Variants in MYLK observed in about 807,000 individuals in gnomAD.
MYLK encodes myosin light chain kinase.
MYLK carries 106 observed loss-of-function variants against 203.4 expected under a neutral mutation model. The observed-to-expected ratio is 0.52, with a 90% CI of 0.45 to 0.61. The LOEUF is 0.61. Ranked by LOEUF, MYLK falls within the 20% of genes least tolerant of loss-of-function variation. The pLI is 0.00. For synonymous variants in MYLK, 867 were observed against 959.5 expected (o/e 0.90, Z 1.78); for missense variants, 2,072 against 2,442.3 (o/e 0.85, Z 3.20).
intron 33 of MYLK, chr3:123,616,948 A>G (rs2057532038): frequency 6.6e-6 from 1 of 152,204 alleles, no homozygotes; most frequent in African/African-American, 2.4e-5. Context: ...AACCAGAATA[A>G]AAATTATACA....
At position 123,864,643 on chromosome 3, in the gene MYLK, A is replaced by T. The variant is rs184862405; in HGVS notation, c.-127+11916T>A. Among the ~76,000 whole-genome samples the T allele has an allele frequency of 1.4e-4, 22 of 152,312 alleles. 1 individual carries two copies. Among genetic ancestry groups the T allele is most frequent in the Middle Eastern group, 6.8e-3 (2 of 294 alleles). On this transcript the variant is annotated intron_variant, in intron 2 of 33. Transcript: ENST00000360304. ...TTATAGAAATTAGTCCCTACAAAGT[A>T]AGAGTGTTCCTGGTGCTTTGGGAGG...
intron 4 of MYLK, among the ~76,000 whole-genome samples, chr3:123,784,376 CTTTTTT>C (rs576849217): frequency 5.1e-5 from 4 of 78,662 alleles, no homozygotes; most frequent in Non-Finnish European, 5.1e-5. Context: ...GGTTGACTTT[CTTTTTT>C]TTTTTTTTTT....
chr3:123,726,283 G>A (rs181032416), intron 11 of MYLK, among the ~76,000 whole-genome samples: 55 of 152,276 alleles, frequency 3.6e-4, no homozygotes, highest in Middle Eastern at 3.4e-3. Flanking sequence ...AGAGTCACCC[G>A]CAGGGGCTTT....
chr3:123,746,898 T>G lies in MYLK; in HGVS notation c.373+5433A>C, dbSNP rs72970890. Among the ~76,000 whole-genome samples, 790 of 152,216 alleles carry G rather than the reference T, an allele frequency of 5.2e-3. 9 individuals carry two copies. The highest frequency in any genetic ancestry group is 0.018 in the African/African-American group (765 of 41,512). ...TTATAAAGAACATAAATGGGAAATA[T>G]AATTATAGGTCCTTCAGATGGGTAG... On this transcript the variant is annotated intron_variant, in intron 5 of 33. Coordinates refer to ENST00000360304, the MANE Select transcript of MYLK (RefSeq NM_053025.4).
chr3:123,619,602 G>A (rs12495516), intron 32 of MYLK, among the ~76,000 whole-genome samples: 14,233 of 152,210 alleles, frequency 0.094, 1,536 homozygotes, highest in East Asian at 0.35. Context: ...AGCAGGAAAA[G>A]GCTGGGGTTT....
chr3:123,832,584 G>A (rs2066365512), intron 2 of MYLK, among the ~76,000 whole-genome samples: 1 of 152,202 alleles, frequency 6.6e-6, no homozygotes, highest in African/African-American at 2.4e-5. Flanking sequence ...TTAAGAGGTA[G>A]GACCTTTAGG....
At chr3:123,742,727 G>A (rs1236475072) in intron 5 of MYLK, among the ~76,000 whole-genome samples, 1 of 152,136 alleles carries the variant, frequency 6.6e-6, no homozygotes, top group Non-Finnish European at 1.5e-5. Flanking sequence ...AAATTAGACT[G>A]ATTAACTGAT....
chr3:123,696,619 G>A (rs955643128), intron 18 of MYLK, among the ~76,000 whole-genome samples: 1 of 151,398 alleles, frequency 6.6e-6, no homozygotes, highest in Non-Finnish European at 1.5e-5. Context: ...CCCCCATCCT[G>A]CCCTTCCAAG....
Position 123,761,009 on chromosome 3 carries a change from G to A in MYLK, c.166-8471C>T, listed in dbSNP as rs570784074. Among the ~76,000 whole-genome samples the A allele has an allele frequency of 3.3e-5, 5 of 152,300 alleles. No homozygotes were observed. In the South Asian group the frequency reaches 1.0e-3, roughly 32 times the overall value. On this transcript the variant is annotated intron_variant, in intron 4 of 33. Coordinates refer to ENST00000360304, the MANE Select transcript of MYLK (RefSeq NM_053025.4). Reference sequence around the variant, plus strand: ...GACTAATGCAGCCCTGGAATTTCAAGAAGGATGGGTGAGTGTCAGGAAATA... The same window carrying A: ...GACTAATGCAGCCCTGGAATTTCAAAAAGGATGGGTGAGTGTCAGGAAATA...
intron 3 of MYLK, among the ~76,000 whole-genome samples, chr3:123,806,400 G>A (rs1183148571): frequency 1.3e-5 from 2 of 152,204 alleles, no homozygotes; most frequent in Admixed American, 1.3e-4. Flanking sequence ...GTATAGAGCT[G>A]ATCTAGGGAG....
intron 2 of MYLK, among the ~76,000 whole-genome samples, chr3:123,861,313 C>A (rs1192844093): frequency 6.6e-6 from 1 of 152,256 alleles, no homozygotes; most frequent in Admixed American, 6.5e-5. Flanking sequence ...TCACACCCAG[C>A]ACCATCGCTC....
At chr3:123,669,724 A>C (rs1006106960) in intron 20 of MYLK, among the ~76,000 whole-genome samples, 1 of 152,092 alleles carries the variant, frequency 6.6e-6, no homozygotes, top group Non-Finnish European at 1.5e-5. Context: ...GGAAAAAGAG[A>C]GGGAGAGAAA....
At chr3:123,654,603 A>G (rs2059332102) in intron 24 of MYLK, among the ~76,000 whole-genome samples, 1 of 151,872 alleles carries the variant, frequency 6.6e-6, no homozygotes, top group South Asian at 2.1e-4. Context: ...TGAGTCTTCT[A>G]CCATCTGCCT....
chr3:123,814,807 T>TC (rs373343742), intron 3 of MYLK, among the ~76,000 whole-genome samples: 2 of 152,106 alleles, frequency 1.3e-5, no homozygotes, highest in Non-Finnish European at 2.9e-5. Context: ...TTTCTTTCTT[T>TC]TTTTAGATGG....
At position 123,772,486 on chromosome 3, in the gene MYLK, G is replaced by A. The variant is rs1300299636; in HGVS notation, c.166-19948C>T. On this transcript the variant is annotated intron_variant, in intron 4 of 33. Coordinates refer to ENST00000360304, the MANE Select transcript of MYLK (RefSeq NM_053025.4). ...AAAATGTTAAAAGTAAAAAAAGGTA[G>A]AAGAAATGTGGATATAATCTTAGAG... 2.0e-5 allele frequency among the ~76,000 whole-genome samples: 3 copies of A among 152,026 alleles called. No homozygotes were observed. In the East Asian group the frequency reaches 5.8e-4, roughly 29 times the overall value.
rs563116446 is a variant in MYLK at position 123,664,190 on chromosome 3, C to T, written c.3900G>A (p.Ala1300=). 36 of 1,614,134 alleles carry T rather than the reference C, an allele frequency of 2.2e-5. No homozygotes were observed. The highest frequency in any genetic ancestry group is 2.2e-4 in the South Asian group (20 of 91,078). The change falls in exon 23 of 34, where the codon GCG becomes GCA. Residue 1300 remains alanine (A), a synonymous_variant. Transcript: ENST00000360304. ...TGTAGCAGCCGCAGTGCTCCTGGCG[C>T]GCGGCCAGGATGGTGAGCTTGCTGC... ...ENGSKLTILA[A]RQEHCGCYTL... is the part of the protein sequence containing the mutation.
chr3:123,707,731 G>C (rs776760232), intron 16 of MYLK, 23 bp downstream of exon 16: 104 of 1,613,894 alleles, frequency 6.4e-5, no homozygotes, highest in South Asian at 4.4e-5. Flanking sequence ...GTTAAGGGAG[G>C]CTGGCTGGAC....
Position 123,614,141 on chromosome 3 carries a change from C to T in MYLK, c.5709G>A (p.Glu1903=), listed in dbSNP as rs758153631. 1 of 1,613,922 alleles carries T rather than the reference C, an allele frequency of 6.2e-7. No individual in the cohort carries two copies. Among genetic ancestry groups the T allele is most frequent in the Non-Finnish European group, 8.5e-7 (1 of 1,180,000 alleles). ...CTAELIVETM[E]EGEGEGEEEE... is the part of the protein sequence containing the mutation. ...CCTCTTCCCCTTCCCCTTCACCTTC[C>T]TCCATCGTTTCCACAATGAGCTCTG... The change falls in exon 34 of 34, where the codon GAG becomes GAA. Residue 1903 remains glutamate (E), a synonymous_variant. Transcript: ENST00000360304.
At chr3:123,655,376 A>G (rs1339794963) in intron 24 of MYLK, among the ~76,000 whole-genome samples, 2 of 151,948 alleles carry the variant, frequency 1.3e-5, no homozygotes, top group Non-Finnish European at 2.9e-5. Context: ...TGGTGTTGGT[A>G]TTGACTTTCT....
Sources: gnomAD v4.1 joint callset for allele counts (sites outside exome capture counted in the v4.1 genomes callset) on GRCh38, gnomAD v4.1.1 for gene constraint, MANE v1.5 for transcripts, NCBI Gene and HGNC (gene_info 2026-07-23, HGNC 2026-07-21) for gene names.